The following ZNF266 variants were observed in gnomAD, a reference collection of about 807,000 sequenced individuals.
ZNF266 encodes the protein zinc finger protein 1.
In ZNF266, 16 loss-of-function variants were observed where a neutral mutation model predicts 16.4. The observed-to-expected ratio is 0.98, with a 90% CI of 0.66 to 1.48. ZNF266 has a LOEUF of 1.48. Ranked by LOEUF, ZNF266 falls within the 40% of genes most tolerant of loss-of-function variation. The pLI is 0.00. For missense variants in ZNF266, 738 were observed against 689.1 expected (o/e 1.07, Z -0.79); for synonymous variants, 262 against 237.9 (o/e 1.10, Z -0.93).
In ZNF266 at chr19:9,413,366, T is replaced by C. The variant is rs779452338; in HGVS notation, c.1760A>G (p.Tyr587Cys). The C allele has an allele frequency of 5.6e-6, 9 of 1,614,026 alleles. No individual in the cohort carries two copies. Among genetic ancestry groups the C allele is most frequent in the Admixed American group, 1.7e-5 (1 of 60,000 alleles). ...HERTHTGEKP[Y>C]ECKECGKAFS... ...GGCTTTCCCGCACTCCTTACATTCA[T>C]AGGGTTTCTCTCCAGTGTGAGTTCG... The change falls in exon 11 of 11, where the codon TAT becomes TGT. Residue 587 changes from tyrosine (Y) to cysteine (C), a missense_variant. Physicochemically the swap from Tyr to Cys is radical, Grantham distance 194 (BLOSUM62 -2). Coordinates refer to ENST00000592904, the MANE Select transcript of ZNF266 (RefSeq NM_001370374.1).
chr19:9,432,972 C>G (rs979953892), intron 5 of ZNF266, among the ~76,000 whole-genome samples: 1 of 152,156 alleles, frequency 6.6e-6, no homozygotes, highest in African/African-American at 2.4e-5. Flanking sequence ...TTCATTCATT[C>G]TCCAATCCAC....
intron 9 of ZNF266, among the ~76,000 whole-genome samples, chr19:9,416,117 C>G (rs536438809): frequency 8.5e-5 from 13 of 152,136 alleles, no homozygotes; most frequent in Non-Finnish European, 1.8e-4. Context: ...CCACCACACC[C>G]GGCCCCTGTA....
intron 5 of ZNF266, among the ~76,000 whole-genome samples, chr19:9,422,299 C>T (rs1324118244): frequency 6.6e-6 from 1 of 152,156 alleles, no homozygotes; most frequent in Non-Finnish European, 1.5e-5. Context: ...CAATGTTCCC[C>T]TTGACCTGGC....
chr19:9,435,130 G>C lies in ZNF266; in HGVS notation c.-494C>G, dbSNP rs1164962653. 1.4e-5 allele frequency: 2 copies of C among 138,696 alleles called. No homozygotes were observed. Among genetic ancestry groups the C allele is most frequent in the Non-Finnish European group, 3.1e-5 (2 of 63,762 alleles). The allele number at this position is 138,696 out of a possible 1,614,324, so 8.6% of individuals were successfully genotyped here. On this transcript the variant is annotated 5_prime_UTR_variant, in exon 2 of 11. Coordinates refer to ENST00000592904, the MANE Select transcript of ZNF266 (RefSeq NM_001370374.1). ...CACCGCGACGAGCTGGACTCGCCAG[G>C]TACGGGAGATTGGGGGGATGAAGGA...
At chr19:9,422,438 T>C (rs542427829) in intron 5 of ZNF266, among the ~76,000 whole-genome samples, 14 of 152,292 alleles carry the variant, frequency 9.2e-5, no homozygotes, top group African/African-American at 3.4e-4. Flanking sequence ...TCTGAGGAAA[T>C]GCATTGAACT....
At chr19:9,426,158 G>A (rs1280033019) in intron 5 of ZNF266, among the ~76,000 whole-genome samples, 2 of 152,000 alleles carry the variant, frequency 1.3e-5, no homozygotes, top group Admixed American at 1.3e-4. Context: ...CCCTGACGAG[G>A]TCAACTGGGC....
rs1412839738 is a variant in ZNF266, at chr19:9,414,139, G to A, written c.987C>T (p.His329=). 2 of 1,613,856 alleles carry A rather than the reference G, an allele frequency of 1.2e-6. No homozygotes were observed. The highest frequency in any genetic ancestry group is 1.7e-6 in the Non-Finnish European group (2 of 1,179,928). ...SCQLTQHRKT[H]TGEKPYKCKD... Reference sequence around the variant, plus strand: ...TACATTTATAAGGTTTCTCTCCAGTGTGAGTTTTTCTGTGCTGAGTAAGTT... The same window carrying A: ...TACATTTATAAGGTTTCTCTCCAGTATGAGTTTTTCTGTGCTGAGTAAGTT... The change falls in exon 11 of 11, where the codon CAC becomes CAT. Residue 329 remains histidine (H), a synonymous_variant. Transcript: ENST00000592904.
At chr19:9,429,990 C>T (rs1476610864) in intron 5 of ZNF266, among the ~76,000 whole-genome samples, 1 of 151,754 alleles carries the variant, frequency 6.6e-6, no homozygotes, top group African/African-American at 2.4e-5. Flanking sequence ...TGTAGCGTAG[C>T]CCCTCCTCCT....
At chr19:9,416,184 T>C (rs989930701) in intron 9 of ZNF266, among the ~76,000 whole-genome samples, 8 of 152,096 alleles carry the variant, frequency 5.3e-5, no homozygotes, top group African/African-American at 9.7e-5. Flanking sequence ...GATTTGAAGA[T>C]TGTATATCAA....
In ZNF266 at chr19:9,432,021, T is replaced by C. The variant is rs143829648; in HGVS notation, c.-130+1647A>G. ...CCCAGGATGGAGTGCAGTAGCGCAATCTCAGCTCACTGCAGCCTTCACCTC... is the reference window on the plus strand; with the variant it reads ...CCCAGGATGGAGTGCAGTAGCGCAACCTCAGCTCACTGCAGCCTTCACCTC... On this transcript the variant is annotated intron_variant, in intron 5 of 10. Transcript: ENST00000592904. Among the ~76,000 whole-genome samples the C allele has an allele frequency of 2.4e-3, 368 of 152,336 alleles. 1 individual carries two copies. Among genetic ancestry groups the C allele is most frequent in the African/African-American group, 8.2e-3 (339 of 41,578 alleles).
At chr19:9,427,941 CA>C in intron 5 of ZNF266, among the ~76,000 whole-genome samples, 1 of 151,892 alleles carries the variant, frequency 6.6e-6, no homozygotes, top group South Asian at 2.1e-4. Flanking sequence ...TTAAAATCAA[CA>C]AGCACTCCTA....
intron 7 of ZNF266, chr19:9,418,983 G>T: frequency 5.9e-6 from 1 of 169,422 alleles, no homozygotes; most frequent in Non-Finnish European, 1.3e-5. Flanking sequence ...CTATGCAGTT[G>T]GGACCATGAG....
At chr19:9,415,569 T>G (rs975246880) in intron 10 of ZNF266, 85 bp downstream of exon 10, 61 of 1,190,884 alleles carry the variant, frequency 5.1e-5, no homozygotes, top group Admixed American at 1.1e-4. Context: ...TGAGCCACCA[T>G]TCCCAGCTTT....
intron 5 of ZNF266, among the ~76,000 whole-genome samples, chr19:9,424,786 G>C (rs1279405660): frequency 6.6e-6 from 1 of 152,132 alleles, no homozygotes; most frequent in Non-Finnish European, 1.5e-5. Flanking sequence ...TAATTGACAT[G>C]GCGTGCCATG....
intron 8 of ZNF266, 109 bp from the exon 9 acceptor site, chr19:9,418,017 A>G (rs1334452852): frequency 7.0e-6 from 8 of 1,148,294 alleles, no homozygotes; most frequent in African/African-American, 1.5e-5. Context: ...ATTATTTTAA[A>G]AGGGCTAAAA....
chr19:9,422,534 G>A (rs2070084139), intron 5 of ZNF266, among the ~76,000 whole-genome samples: 1 of 152,202 alleles, frequency 6.6e-6, no homozygotes, highest in African/African-American at 2.4e-5. Flanking sequence ...ACCAAAGACT[G>A]GTTTCCCCTG....
Position 9,413,475 on chromosome 19 carries a change from G to A in ZNF266, c.1651C>T (p.Arg551Trp), listed in dbSNP as rs773202852. The change falls in exon 11 of 11, where the codon CGG becomes TGG. Residue 551 changes from arginine to tryptophan, a missense_variant. Arg to Trp is a moderately radical substitution (Grantham distance 101). Coordinates refer to ENST00000592904, the MANE Select transcript of ZNF266 (RefSeq NM_001370374.1). The stretch of plus-strand genomic sequence containing the variant: ...TAGGGTTTTTCTCCAGTGTGGATCC[G>A]CATGTGAAGGTTAACACACGTGGGA... ...KFPTCVNLHM[R>W]IHTGEKPYKC... 3.3e-5 allele frequency: 53 copies of A among 1,612,306 alleles called. No individual in the cohort carries two copies. Among genetic ancestry groups the A allele is most frequent in the African/African-American group, 1.2e-4 (9 of 74,668 alleles).
At chr19:9,433,572 T>A (rs1889408169) in intron 5 of ZNF266, 96 bp downstream of exon 5, 1 of 152,218 alleles carries the variant, frequency 6.6e-6, no homozygotes, top group Non-Finnish European at 1.5e-5. Flanking sequence ...TGATTCTCAT[T>A]AATCCCTTGA....
In ZNF266 at chr19:9,413,509, A is replaced by C; in HGVS notation, c.1617T>G (p.Ala539=). ...KPFTCMECGK[A]FKFPTCVNLH... is the part of the protein sequence containing the mutation. ...GGTTAACACACGTGGGAAACTTAAA[A>C]GCTTTGCCACATTCCATACACGTGA... The change falls in exon 11 of 11, where the codon GCT becomes GCG. Residue 539 remains alanine (A), a synonymous_variant. Transcript: ENST00000592904. 6.2e-7 allele frequency: 1 copy of C among 1,613,740 alleles called. No individual in the cohort carries two copies. Among genetic ancestry groups the C allele is most frequent in the Non-Finnish European group, 8.5e-7 (1 of 1,179,860 alleles).
Sources: allele counts gnomAD v4.1 joint callset (sites outside exome capture counted in the v4.1 genomes callset), GRCh38; gene constraint gnomAD v4.1.1; transcripts MANE v1.5; gene names NCBI Gene and HGNC (gene_info 2026-07-23, HGNC 2026-07-21).